LCOR: variants seen among roughly 807,000 people sequenced by gnomAD.
LCOR encodes ligand-dependent corepressor.
In LCOR, 14 loss-of-function variants were observed where a neutral mutation model predicts 64.4. The ratio of observed to expected loss-of-function variants is 0.22; its 90% CI spans 0.14 to 0.34. The LOEUF (loss-of-function observed/expected upper bound fraction) is 0.34, where lower values mean the gene tolerates loss of function less well. LCOR is among the 10% of genes least tolerant of loss of function. LCOR has a pLI of 1.00. For missense variants in LCOR, 1,686 were observed against 1,765.3 expected, an observed-to-expected ratio of 0.96 and a Z score of 0.80; for synonymous variants, 643 against 642.5, an observed-to-expected ratio of 1.00 and a Z score of -0.01.
At chr10:96,860,845 CAT>C (rs1373912517) in intron 2 of LCOR, among the ~76,000 whole-genome samples, 14 of 152,210 alleles carry the variant, frequency 9.2e-5, no homozygotes, top group Non-Finnish European at 1.8e-4. Flanking sequence ...ACTCAGCAGT[CAT>C]GTGTGAAAAC....
intron 4 of LCOR, among the ~76,000 whole-genome samples, chr10:96,924,158 A>C (rs1371100298): frequency 6.6e-6 from 1 of 152,188 alleles, no homozygotes; most frequent in African/African-American, 2.4e-5. Flanking sequence ...GTGGAGGAGA[A>C]ACAAAGGAAA....
Position 96,989,596 on chromosome 10 carries a change from A to G in LCOR, c.*4462A>G, listed in dbSNP as rs1848178413. On this transcript the variant is annotated 3_prime_UTR_variant, in exon 8 of 8. Coordinates refer to ENST00000421806, the MANE Select transcript of LCOR (RefSeq NM_001346516.2). ...TTTTGAAGTGCTTTAATATTGATTT[A>G]AAAAATTGGAGTTATAACCAGAGTA... 6.7e-6 allele frequency: 1 copy of G among 149,770 alleles called. No homozygotes were observed. The highest frequency in any genetic ancestry group is 2.5e-5 in the African/African-American group (1 of 40,510). The allele number at this position is 149,770 out of a possible 1,614,324, so 9.3% of individuals were successfully genotyped here.
intron 2 of LCOR, among the ~76,000 whole-genome samples, chr10:96,903,217 G>A (rs182570131): frequency 1.4e-3 from 216 of 152,258 alleles, no homozygotes; most frequent in Non-Finnish European, 1.1e-3. Flanking sequence ...GAATGTTGCT[G>A]TACGCTACTG....
intron 1 of LCOR, chr10:96,833,181 G>C: frequency 2.0e-6 from 2 of 985,232 alleles, no homozygotes; most frequent in South Asian, 9.4e-5. Flanking sequence ...GGGTCCGACC[G>C]AGGAGCCCCG....
intron 5 of LCOR, among the ~76,000 whole-genome samples, chr10:96,947,576 T>G (rs1847610219): frequency 6.6e-6 from 1 of 152,172 alleles, no homozygotes; most frequent in Admixed American, 6.5e-5. Flanking sequence ...TAAAGAAACC[T>G]TGGTTTTCTG....
intron 4 of LCOR, among the ~76,000 whole-genome samples, chr10:96,923,626 C>T (rs797009788): frequency 3.9e-5 from 6 of 152,300 alleles, no homozygotes; most frequent in African/African-American, 7.2e-5. Flanking sequence ...AAGAAACTTT[C>T]GGAAATGTTC....
chr10:96,967,129 A>G (rs908702644), intron 7 of LCOR, among the ~76,000 whole-genome samples: 1 of 152,074 alleles, frequency 6.6e-6, no homozygotes, highest in Non-Finnish European at 1.5e-5. Context: ...ATGGAGTGAT[A>G]ATGGTTTGAT....
At chr10:96,951,743 T>C (rs1375975730) in intron 6 of LCOR, among the ~76,000 whole-genome samples, 1 of 152,188 alleles carries the variant, frequency 6.6e-6, no homozygotes, top group Non-Finnish European at 1.5e-5. Flanking sequence ...TAAAAACTTG[T>C]ATGCTTTGAT....
chr10:96,947,244 T>TATAA (rs1847604375), intron 5 of LCOR, among the ~76,000 whole-genome samples: 1 of 152,056 alleles, frequency 6.6e-6, no homozygotes, highest in Non-Finnish European at 1.5e-5. Flanking sequence ...AAGTTAGAGT[T>TATAA]ATAAATACTC....
At position 96,958,372 on chromosome 10, in the gene LCOR, A is replaced by T. The variant is rs764188983; in HGVS notation, c.332+6176A>T. 1.0e-5 allele frequency: 16 copies of T among 1,531,572 alleles called. 1 individual carries two copies. The South Asian group carries it at 1.9e-4, about 18-fold the overall frequency. 94.9% of individuals were successfully genotyped at this position (1,531,572 alleles called of 1,614,324 possible). A position where few individuals can be genotyped will look rare whatever the true frequency, so the allele number is the denominator to read the frequency against. On this transcript the variant is annotated intron_variant, in intron 7 of 7. Coordinates refer to ENST00000421806, the MANE Select transcript of LCOR (RefSeq NM_001346516.2). ...TTGTCATTGTAGTGTACATGGAGTG[A>T]TCATTTTACTAACATAAATATTTTC...
Position 96,832,312 on chromosome 10 carries a change from G to A in LCOR, c.-491G>A, listed in dbSNP as rs1388797937. ...GGGCGGGCGGCAGAAGATGGCGAGG[G>A]TGTGTAGGCGGCAGCAATGCTCCGT... is the stretch of plus-strand genomic sequence containing the variant. On this transcript the variant is annotated 5_prime_UTR_variant, in exon 1 of 8. The change creates a new upstream start codon in the 5' untranslated region. Transcript: ENST00000421806. 3.1e-6 allele frequency: 3 copies of A among 983,166 alleles called. No homozygotes were observed. The highest frequency in any genetic ancestry group is 3.6e-6 in the Non-Finnish European group (3 of 828,976). The allele number at this position is 983,166 out of a possible 1,614,324, so 60.9% of individuals were successfully genotyped here.
At chr10:96,941,199 C>CT (rs1847461658) in intron 4 of LCOR, among the ~76,000 whole-genome samples, 3 of 139,200 alleles carry the variant, frequency 2.2e-5, no homozygotes, top group Non-Finnish European at 3.2e-5. Flanking sequence ...CTGACCCCCC[C>CT]ACCTCCCTCC....
intron 2 of LCOR, among the ~76,000 whole-genome samples, chr10:96,872,720 T>G (rs564683998): frequency 6.6e-6 from 1 of 152,246 alleles, no homozygotes; most frequent in East Asian, 1.9e-4. Context: ...GATGCTACAT[T>G]AAGACCATAA....
At chr10:96,881,135 T>C (rs529204275) in intron 2 of LCOR, among the ~76,000 whole-genome samples, 1 of 152,292 alleles carries the variant, frequency 6.6e-6, no homozygotes, top group South Asian at 2.1e-4. Flanking sequence ...ATTTATTATC[T>C]GGCCTTTTAC....
chr10:96,851,494 T>C (rs1256474230), intron 2 of LCOR, among the ~76,000 whole-genome samples: 1 of 152,208 alleles, frequency 6.6e-6, no homozygotes, highest in Non-Finnish European at 1.5e-5. Flanking sequence ...ATGTTAACAC[T>C]GCCGAAAAAG....
intron 7 of LCOR, among the ~76,000 whole-genome samples, chr10:96,970,306 A>G (rs1200583031): frequency 6.6e-6 from 1 of 152,006 alleles, no homozygotes; most frequent in Non-Finnish European, 1.5e-5. Flanking sequence ...GCTGAGGCAC[A>G]AGAATCGCTT....
rs1491204310 is a variant in LCOR, at chr10:96,989,696, T to TATATATATATATA, written c.*4562_*4563insATATATATATATA. On this transcript the variant is annotated 3_prime_UTR_variant, in exon 8 of 8. Coordinates refer to ENST00000421806, the MANE Select transcript of LCOR (RefSeq NM_001346516.2). ...AAGGATATATATATATATATATATA[T>TATATATATATATA]TTTTTTTTTTTTTTTTTTTTTTTAA... 28 of 64,586 alleles carry TATATATATATATA rather than the reference T, an allele frequency of 4.3e-4. No homozygotes were observed. Among genetic ancestry groups the TATATATATATATA allele is most frequent in the Admixed American group, 7.2e-4 (4 of 5,582 alleles). 4.0% of individuals were successfully genotyped at this position (64,586 alleles called of 1,614,324 possible).
chr10:96,971,371 T>G (rs536879955), intron 7 of LCOR, among the ~76,000 whole-genome samples: 36 of 152,316 alleles, frequency 2.4e-4, no homozygotes, highest in Admixed American at 8.5e-4. Flanking sequence ...ATTTGAATAG[T>G]CCATTTGTGA....
intron 2 of LCOR, among the ~76,000 whole-genome samples, chr10:96,865,603 G>A (rs1363780915): frequency 1.3e-5 from 2 of 152,044 alleles, no homozygotes; most frequent in African/African-American, 2.4e-5. Flanking sequence ...AGCCAGGCGC[G>A]GTGGCTCACG....
Sources: allele counts gnomAD v4.1 joint callset (sites outside exome capture counted in the v4.1 genomes callset), GRCh38; gene constraint gnomAD v4.1.1; transcripts MANE v1.5; gene names NCBI Gene and HGNC (gene_info 2026-07-23, HGNC 2026-07-21).